The following NIPBL variants were observed in gnomAD, a reference collection of about 807,000 sequenced individuals.
The protein encoded by NIPBL is nipped-B-like protein.
A neutral mutation model predicts 321.8 loss-of-function variants in NIPBL; 19 were observed. That is an observed-to-expected ratio of 0.06 (90% CI 0.04 to 0.09). The LOEUF is 0.09. Among genes scored for constraint, NIPBL ranks in the 10% least tolerant of loss-of-function variants. The pLI, the probability that NIPBL is intolerant of heterozygous loss-of-function variation, is 1.00. For missense variants in NIPBL, 2,210 were observed against 3,327.0 expected (o/e 0.66, Z 8.26); for synonymous variants, 1,106 against 1,114.1 (o/e 0.99, Z 0.14).
chr5:36,978,900 G>A (rs183699216), intron 9 of NIPBL, among the ~76,000 whole-genome samples: 132 of 151,804 alleles, frequency 8.7e-4, no homozygotes, highest in Non-Finnish European at 1.4e-3. Context: ...TTGTTTTTAG[G>A]TATGTGGCTT....
intron 3 of NIPBL, 28 bp downstream of exon 3, chr5:36,955,665 A>G (rs768680244): frequency 5.0e-6 from 8 of 1,600,028 alleles, no homozygotes; most frequent in African/African-American, 2.7e-5. Context: ...TATATCTACT[A>G]TAAGTGAAAA....
chr5:37,004,599 CGCTCACTCTGTT>C (rs934384330), intron 16 of NIPBL, among the ~76,000 whole-genome samples: 2 of 152,094 alleles, frequency 1.3e-5, no homozygotes, highest in African/African-American at 2.4e-5. Context: ...TAGAGCCAAG[CGCTCACTCTGTT>C]GCTCAGACTG....
At chr5:37,034,500 A>G (rs1307849937) in intron 32 of NIPBL, among the ~76,000 whole-genome samples, 1 of 152,212 alleles carries the variant, frequency 6.6e-6, no homozygotes, top group Non-Finnish European at 1.5e-5. Context: ...GGATAAATGA[A>G]TTAAGGTATA....
intron 1 of NIPBL, among the ~76,000 whole-genome samples, chr5:36,925,689 TA>T (rs1749306524): frequency 6.6e-6 from 1 of 152,228 alleles, no homozygotes; most frequent in Non-Finnish European, 1.5e-5. Flanking sequence ...GGCAGAATTA[TA>T]ATTAAAAACC....
At chr5:36,962,395 A>G (rs960893470) in intron 6 of NIPBL, 121 bp downstream of exon 6, 1 of 1,014,182 alleles carries the variant, frequency 9.9e-7, no homozygotes, top group Non-Finnish European at 1.5e-6. Flanking sequence ...ACTTGTCAGT[A>G]AACCTTTTTA....
rs1746032207 is a variant in NIPBL at position 36,995,458 on chromosome 5, C to G, written c.3122-164C>G. The stretch of plus-strand genomic sequence containing the variant: ...ATATGTACACATACATATATATTAA[C>G]TATATTGTCACTTTAGGGTTAAGAG... On this transcript the variant is annotated intron_variant, in intron 10 of 46. Transcript: ENST00000282516. 1.4e-5 allele frequency: 8 copies of G among 588,984 alleles called. No homozygotes were observed. The South Asian group carries it at 1.5e-4, about 11-fold the overall frequency. The allele number at this position is 588,984 out of a possible 1,614,324, so 36.5% of individuals were successfully genotyped here.
chr5:36,945,775 T>C lies in NIPBL; in HGVS notation c.-79-7843T>C, dbSNP rs191726590. On this transcript the variant is annotated intron_variant, in intron 1 of 46. Coordinates refer to ENST00000282516, the MANE Select transcript of NIPBL (RefSeq NM_133433.4). ...AACTTTTTGTTTTTGAGGTAGGATT[T>C]GAGGAAGATCCTTTCAGAAGTATCT... 3.4e-3 allele frequency among the ~76,000 whole-genome samples: 513 copies of C among 152,268 alleles called. 2 individuals are homozygous for C. The highest frequency in any genetic ancestry group is 0.012 in the African/African-American group (493 of 41,556).
intron 9 of NIPBL, among the ~76,000 whole-genome samples, chr5:36,980,582 A>G (rs1744026307): frequency 6.6e-6 from 1 of 151,608 alleles, no homozygotes; most frequent in African/African-American, 2.4e-5. Flanking sequence ...ACAGTTGCCT[A>G]CAGTATTCAG....
intron 32 of NIPBL, among the ~76,000 whole-genome samples, chr5:37,029,112 A>C (rs1037519005): frequency 3.9e-5 from 6 of 152,230 alleles, no homozygotes; most frequent in African/African-American, 1.4e-4. Flanking sequence ...CACAGCAGGA[A>C]GCACATATCT....
At chr5:36,973,808 G>C (rs577888053) in intron 8 of NIPBL, among the ~76,000 whole-genome samples, 6 of 152,060 alleles carry the variant, frequency 3.9e-5, no homozygotes, top group Non-Finnish European at 7.4e-5. Context: ...TTATGTATTT[G>C]TCCTAATGCT....
intron 4 of NIPBL, among the ~76,000 whole-genome samples, chr5:36,958,911 T>C (rs1231007487): frequency 1.3e-5 from 2 of 152,060 alleles, no homozygotes; most frequent in African/African-American, 4.8e-5. Context: ...ATAATTGTAT[T>C]TAAGAATTTT....
At chr5:37,035,013 G>A (rs1401707123) in intron 32 of NIPBL, among the ~76,000 whole-genome samples, 4 of 152,190 alleles carry the variant, frequency 2.6e-5, no homozygotes, top group African/African-American at 9.7e-5. Flanking sequence ...AGCTAGGCCG[G>A]GCATGGTAGC....
chr5:36,898,468 G>T (rs1470017966), intron 1 of NIPBL, among the ~76,000 whole-genome samples: 1 of 151,018 alleles, frequency 6.6e-6, no homozygotes, highest in African/African-American at 2.4e-5. Flanking sequence ...TACACAGCTT[G>T]AAACAAGAGG....
chr5:36,890,075 G>T (rs766561548), intron 1 of NIPBL, among the ~76,000 whole-genome samples: 2 of 151,798 alleles, frequency 1.3e-5, no homozygotes, highest in Non-Finnish European at 2.9e-5. Context: ...CTCTTTTAAC[G>T]TTGGATCATA....
chr5:36,922,733 T>A (rs1332812120), intron 1 of NIPBL, among the ~76,000 whole-genome samples: 1 of 152,212 alleles, frequency 6.6e-6, no homozygotes, highest in Admixed American at 6.5e-5. Context: ...TTTAAATTGT[T>A]AGGGTTGTTA....
At chr5:36,952,051 T>TGCGCGCGCGC (rs1554010252) in intron 1 of NIPBL, among the ~76,000 whole-genome samples, 8 of 102,802 alleles carry the variant, frequency 7.8e-5, no homozygotes, top group South Asian at 3.3e-4. Context: ...TGTGTGTGTG[T>TGCGCGCGCGC]GTGCGCGCGC....
At chr5:37,003,695 T>C (rs1288980688) in intron 16 of NIPBL, among the ~76,000 whole-genome samples, 1 of 142,188 alleles carries the variant, frequency 7.0e-6, no homozygotes, top group East Asian at 1.9e-4. Context: ...CAAATGACTC[T>C]CATGTGGGGG....
chr5:37,010,095 G>C lies in NIPBL; in HGVS notation c.4430G>C (p.Ser1477Thr). The change falls in exon 21 of 47, where the codon AGT (serine) becomes ACT (threonine). Residue 1477 changes from serine (S) to threonine (T), a missense_variant. Physicochemically the swap from Ser to Thr is moderately conservative, Grantham distance 58. This residue lies in a region of NIPBL where 381 missense variants were observed against 642.3 expected (regional missense o/e 0.59). Coordinates refer to ENST00000282516, the MANE Select transcript of NIPBL (RefSeq NM_133433.4). ...TTTTTTCTTCATTAAAGGTTAAACA[G>C]TAGTGATATGGATGGAGAACCTATG... ...KRSLRNFRLN[S>T]SDMDGEPMYI... The C allele has an allele frequency of 6.2e-7, 1 of 1,610,946 alleles. No homozygotes were observed. The highest frequency in any genetic ancestry group is 2.2e-5 in the East Asian group (1 of 44,728).
chr5:36,901,716 T>C (rs1178283905), intron 1 of NIPBL, among the ~76,000 whole-genome samples: 1 of 151,698 alleles, frequency 6.6e-6, no homozygotes, highest in African/African-American at 2.4e-5. Context: ...CCCATGTTGG[T>C]CAGGCTGGTC....
Sources: allele counts gnomAD v4.1 joint callset (sites outside exome capture counted in the v4.1 genomes callset), GRCh38; gene constraint gnomAD v4.1.1; regional missense constraint gnomAD v4.1.1; transcripts MANE v1.5; gene names NCBI Gene and HGNC (gene_info 2026-07-23, HGNC 2026-07-21).